EEFSEC: variants seen among roughly 807,000 people sequenced by gnomAD.
EEFSEC encodes eukaryotic elongation factor, selenocysteine-tRNA specific.
In EEFSEC, 43 loss-of-function variants were observed where a neutral mutation model predicts 42.1. The ratio of observed to expected loss-of-function variants is 1.02; its 90% CI spans 0.80 to 1.32. EEFSEC has a LOEUF of 1.32. Among genes scored for constraint, EEFSEC ranks in the 40% most tolerant of loss-of-function variants. The pLI is 0.00. For synonymous variants in EEFSEC, 354 were observed against 339.1 expected, an observed-to-expected ratio of 1.04 and a Z score of -0.48; for missense variants, 745 against 803.6, an observed-to-expected ratio of 0.93 and a Z score of 0.88.
chr3:128,235,361 G>A (rs1301798216), intron 1 of EEFSEC, among the ~76,000 whole-genome samples: 6 of 152,014 alleles, frequency 3.9e-5, no homozygotes, highest in Admixed American at 2.0e-4. Context: ...GAGCCACCGC[G>A]CCCAGCCTGA....
chr3:128,254,597 T>G (rs2066222925), intron 2 of EEFSEC, among the ~76,000 whole-genome samples: 1 of 152,162 alleles, frequency 6.6e-6, no homozygotes, highest in African/African-American at 2.4e-5. Flanking sequence ...GGGTGAGGTT[T>G]GCCTAGGAGA....
intron 4 of EEFSEC, among the ~76,000 whole-genome samples, chr3:128,328,411 A>G (rs1344965128): frequency 2.6e-5 from 4 of 152,204 alleles, no homozygotes; most frequent in Admixed American, 2.6e-4. Context: ...GGTCCAGGCC[A>G]TGGGATGAGG....
intron 1 of EEFSEC, among the ~76,000 whole-genome samples, chr3:128,221,180 A>G (rs866889234): frequency 1.3e-5 from 2 of 152,242 alleles, no homozygotes; most frequent in African/African-American, 2.4e-5. Flanking sequence ...TCCCAAACAC[A>G]TTGAAATGCT....
chr3:128,154,997 C>T (rs1944349486), intron 1 of EEFSEC, among the ~76,000 whole-genome samples: 1 of 152,208 alleles, frequency 6.6e-6, no homozygotes, highest in East Asian at 1.9e-4. Context: ...TGAATACATG[C>T]TACTTGTGAA....
rs1018616805 is a variant in EEFSEC at position 128,399,436 on chromosome 3, C to T, written c.1601-8633C>T. Among the ~76,000 whole-genome samples the T allele has an allele frequency of 3.3e-5, 5 of 152,342 alleles. No individual in the cohort carries two copies. The East Asian group carries it at 5.8e-4, about 18-fold the overall frequency. Reference sequence around the variant, plus strand: ...CGAGGCTCCTGCGAAGGGCCCGCTCCGCCGCCTGCTTCCCCCTAATTCCTT... The same window carrying T: ...CGAGGCTCCTGCGAAGGGCCCGCTCTGCCGCCTGCTTCCCCCTAATTCCTT... On this transcript the variant is annotated intron_variant, in intron 6 of 6. Coordinates refer to ENST00000254730, the MANE Select transcript of EEFSEC (RefSeq NM_021937.5).
chr3:128,304,037 A>G (rs2108008466), intron 4 of EEFSEC, among the ~76,000 whole-genome samples: 1 of 148,362 alleles, frequency 6.7e-6, no homozygotes, highest in Middle Eastern at 3.5e-3. Flanking sequence ...CTTCCATGCC[A>G]GTGTTTCTTT....
rs533511270 is a variant in EEFSEC, at chr3:128,317,316, G to A, written c.787-23917G>A. On this transcript the variant is annotated intron_variant, in intron 4 of 6. Coordinates refer to ENST00000254730, the MANE Select transcript of EEFSEC (RefSeq NM_021937.5). This position sits in a 1 kb window ranked among gnomAD's most constrained non-coding sequence, Gnocchi z 4.1. ...CACACGGTGTGCTCACATGCAGTGC[G>A]TCCCCAGACTTGTAAGCCTGGCCTG... 6.6e-5 allele frequency among the ~76,000 whole-genome samples: 10 copies of A among 152,272 alleles called. No individual in the cohort carries two copies. The highest frequency in any genetic ancestry group is 3.4e-3 in the Middle Eastern group (1 of 294).
At position 128,378,574 on chromosome 3, in the gene EEFSEC, G is replaced by A. The variant is rs570740091; in HGVS notation, c.1600+20201G>A. ...TTTGGGCAGAGGAACTAGGATGGAG[G>A]AGTGTTTGTGGACAGTGGTGGTACT... On this transcript the variant is annotated intron_variant, in intron 6 of 6. Coordinates refer to ENST00000254730, the MANE Select transcript of EEFSEC (RefSeq NM_021937.5). Among the ~76,000 whole-genome samples, 6 of 152,350 alleles carry A rather than the reference G, an allele frequency of 3.9e-5. No homozygotes were observed. In the East Asian group the frequency reaches 1.2e-3, roughly 29 times the overall value.
chr3:128,164,894 T>G (rs2065229170), intron 1 of EEFSEC, among the ~76,000 whole-genome samples: 1 of 152,082 alleles, frequency 6.6e-6, no homozygotes, highest in Non-Finnish European at 1.5e-5. Context: ...GGCCTGTCAT[T>G]CCTCTCATCA....
At chr3:128,386,042 G>A (rs2067834059) in intron 6 of EEFSEC, among the ~76,000 whole-genome samples, 1 of 152,210 alleles carries the variant, frequency 6.6e-6, no homozygotes, top group Non-Finnish European at 1.5e-5. Context: ...TATGTCAAGG[G>A]AGACTGGATT....
chr3:128,256,593 G>A (rs939990042), intron 2 of EEFSEC, among the ~76,000 whole-genome samples: 2 of 152,064 alleles, frequency 1.3e-5, no homozygotes, highest in African/African-American at 4.8e-5. Context: ...TTCTGAATTC[G>A]GGCCTGACTC....
intron 6 of EEFSEC, among the ~76,000 whole-genome samples, chr3:128,403,265 G>A (rs1273550856): frequency 6.6e-6 from 1 of 152,200 alleles, no homozygotes; most frequent in Non-Finnish European, 1.5e-5. Flanking sequence ...AATGACAGCA[G>A]CCCTGAGGCA....
intron 1 of EEFSEC, among the ~76,000 whole-genome samples, chr3:128,211,639 C>G (rs1213952521): frequency 6.6e-6 from 1 of 151,608 alleles, no homozygotes; most frequent in African/African-American, 2.4e-5. Context: ...CCTCAGCCCC[C>G]CAAGTAGCTG....
At chr3:128,242,043 A>G (rs564283489) in intron 1 of EEFSEC, among the ~76,000 whole-genome samples, 25 of 152,352 alleles carry the variant, frequency 1.6e-4, no homozygotes, top group African/African-American at 5.5e-4. Flanking sequence ...GGCCAGGCAC[A>G]GTGGCTCACG....
chr3:128,390,425 G>C (rs909143711), intron 6 of EEFSEC, among the ~76,000 whole-genome samples: 1 of 152,258 alleles, frequency 6.6e-6, no homozygotes, highest in African/African-American at 2.4e-5. Context: ...TGTATTTTGG[G>C]AGGTAGAGGG....
chr3:128,206,824 C>T (rs938833356), intron 1 of EEFSEC, among the ~76,000 whole-genome samples: 2 of 152,182 alleles, frequency 1.3e-5, no homozygotes, highest in South Asian at 2.1e-4. Context: ...CTTCACTTTA[C>T]TTCTGCTGCC....
chr3:128,170,662 A>G (rs770277236), intron 1 of EEFSEC, among the ~76,000 whole-genome samples: 4 of 152,126 alleles, frequency 2.6e-5, no homozygotes, highest in African/African-American at 4.8e-5. Context: ...AGAAACAGCA[A>G]CCTGGCATCC....
intron 5 of EEFSEC, among the ~76,000 whole-genome samples, chr3:128,350,254 C>T (rs377455107): frequency 1.3e-5 from 2 of 152,238 alleles, no homozygotes; most frequent in Admixed American, 6.5e-5. Flanking sequence ...CAGGCTGGCT[C>T]ATGACCTGCC....
intron 4 of EEFSEC, among the ~76,000 whole-genome samples, chr3:128,276,882 G>A (rs1310450091): frequency 6.6e-6 from 1 of 152,192 alleles, no homozygotes; most frequent in African/African-American, 2.4e-5. Context: ...GGGAATGCTG[G>A]GCACATTCTG....
Sources: allele counts gnomAD v4.1 joint callset (sites outside exome capture counted in the v4.1 genomes callset), GRCh38; gene constraint gnomAD v4.1.1; non-coding constraint Gnocchi (gnomAD v3.1); transcripts MANE v1.5; gene names NCBI Gene and HGNC (gene_info 2026-07-23, HGNC 2026-07-21).